Variants in SULF1 observed in about 807,000 individuals in gnomAD.
SULF1 encodes the protein extracellular sulfatase Sulf-1.
In SULF1, 46 loss-of-function variants were observed where a neutral mutation model predicts 110.5. The ratio of observed to expected loss-of-function variants is 0.42; its 90% CI spans 0.33 to 0.53. SULF1 has a LOEUF of 0.53. Ranked by LOEUF, SULF1 falls within the 20% of genes least tolerant of loss-of-function variation. SULF1 has a pLI of 0.12. For missense variants in SULF1, 941 were observed against 1,094.2 expected, an observed-to-expected ratio of 0.86 and a Z score of 1.98; for synonymous variants, 371 against 387.1, an observed-to-expected ratio of 0.96 and a Z score of 0.49.
At chr8:69,638,183 CT>C (rs1245222634) in intron 19 of SULF1, 1 of 251,384 alleles carries the variant, frequency 4.0e-6, no homozygotes, top group East Asian at 1.1e-4. Flanking sequence ...TATTTTTCTT[CT>C]CATACTTCCG....
Position 69,658,771 on chromosome 8 carries a change from G to A in SULF1, c.*236G>A, listed in dbSNP as rs556348593. The A allele has an allele frequency of 2.3e-5, 15 of 649,178 alleles. No homozygotes were observed. The highest frequency in any genetic ancestry group is 9.1e-5 in the South Asian group (6 of 66,280). The allele number at this position is 649,178 out of a possible 1,614,324, so 40.2% of individuals were successfully genotyped here. A position where few individuals can be genotyped will look rare whatever the true frequency, so the allele number is the denominator to read the frequency against. ...GTTCTTGGTTGTCTCTGCTGAGCAC[G>A]CTGTGTCAATGGAGATGGCCTCTGC... is the stretch of plus-strand genomic sequence containing the variant. On this transcript the variant is annotated 3_prime_UTR_variant, in exon 23 of 23. Transcript: ENST00000402687.
rs75955617 is a variant in SULF1, at chr8:69,653,486, G to A, written c.2586-5019G>A. Among the ~76,000 whole-genome samples, 940 of 152,352 alleles carry A rather than the reference G, an allele frequency of 6.2e-3. 6 individuals carry two copies. Among genetic ancestry groups the A allele is most frequent in the South Asian group, 0.021 (99 of 4,828 alleles). The stretch of plus-strand genomic sequence containing the variant: ...GAGGTACATAGGCTAAGGTCCAGAT[G>A]GGTCCCAAACGCAGAAGCTTCTGTC... On this transcript the variant is annotated intron_variant, in intron 22 of 22. Coordinates refer to ENST00000402687, the MANE Select transcript of SULF1 (RefSeq NM_001128205.2).
chr8:69,547,583 A>G (rs1167039496), intron 3 of SULF1, among the ~76,000 whole-genome samples: 1 of 152,196 alleles, frequency 6.6e-6, no homozygotes, highest in South Asian at 2.1e-4. Flanking sequence ...AGCGCTGCAC[A>G]CCACTGTGTT....
At chr8:69,606,640 A>G (rs1808240917) in intron 13 of SULF1, among the ~76,000 whole-genome samples, 2 of 152,216 alleles carry the variant, frequency 1.3e-5, no homozygotes, top group Non-Finnish European at 2.9e-5. Flanking sequence ...TAAAATTTTA[A>G]TATATGTCCT....
At chr8:69,612,958 T>A (rs955987577) in intron 13 of SULF1, among the ~76,000 whole-genome samples, 1 of 152,142 alleles carries the variant, frequency 6.6e-6, no homozygotes, top group Non-Finnish European at 1.5e-5. Flanking sequence ...GTTTTTCCAA[T>A]GTTATCTTCT....
intron 3 of SULF1, among the ~76,000 whole-genome samples, chr8:69,554,676 GA>G (rs1170347963): frequency 1.3e-5 from 2 of 151,430 alleles, no homozygotes; most frequent in Admixed American, 6.6e-5. Context: ...AAAAGAAAAA[GA>G]AAAAAAGAAA....
chr8:69,643,681 ATCTTT>A (rs1264623505), intron 22 of SULF1, among the ~76,000 whole-genome samples: 5 of 151,976 alleles, frequency 3.3e-5, no homozygotes, highest in Non-Finnish European at 5.9e-5. Context: ...TTTCTTTTCT[ATCTTT>A]TCTTTTCTCT....
intron 19 of SULF1, among the ~76,000 whole-genome samples, chr8:69,635,156 G>A (rs982700778): frequency 6.6e-6 from 1 of 152,232 alleles, no homozygotes; most frequent in Non-Finnish European, 1.5e-5. Flanking sequence ...GAGGGAGAGA[G>A]GGTTGAATAG....
At chr8:69,596,186 T>C (rs1807312499) in intron 8 of SULF1, among the ~76,000 whole-genome samples, 1 of 152,150 alleles carries the variant, frequency 6.6e-6, no homozygotes. Context: ...GAATAGTCTA[T>C]GGAGGATTAC....
At chr8:69,584,000 G>T (rs532071504) in intron 6 of SULF1, among the ~76,000 whole-genome samples, 1 of 152,140 alleles carries the variant, frequency 6.6e-6, no homozygotes. Flanking sequence ...AGAGAGGGAC[G>T]ATTAACAGAG....
chr8:69,498,042 C>T (rs1810490774), intron 2 of SULF1, among the ~76,000 whole-genome samples: 1 of 151,744 alleles, frequency 6.6e-6, no homozygotes, highest in African/African-American at 2.4e-5. Context: ...CCAGTTTTAC[C>T]TTATCCTTTC....
At chr8:69,650,569 C>A (rs1812259987) in intron 22 of SULF1, among the ~76,000 whole-genome samples, 1 of 152,188 alleles carries the variant, frequency 6.6e-6, no homozygotes, top group Non-Finnish European at 1.5e-5. Context: ...GAGATAGCAC[C>A]ACTACATTCC....
chr8:69,564,283 C>A, intron 5 of SULF1, 136 bp downstream of exon 5: 1 of 1,039,776 alleles, frequency 9.6e-7, no homozygotes, highest in Middle Eastern at 2.4e-4. Context: ...ACGCAATGAA[C>A]TTGTATTGAC....
At chr8:69,645,687 G>A (rs1811849386) in intron 22 of SULF1, among the ~76,000 whole-genome samples, 2 of 152,152 alleles carry the variant, frequency 1.3e-5, no homozygotes, top group Non-Finnish European at 2.9e-5. Context: ...GGATGGAAAA[G>A]GAAGTCAGTC....
At chr8:69,651,051 C>CTTTTTTTTTTTTTTTTT (rs111556401) in intron 22 of SULF1, among the ~76,000 whole-genome samples, 3 of 134,186 alleles carry the variant, frequency 2.2e-5, no homozygotes, top group Non-Finnish European at 3.3e-5. Flanking sequence ...TCTTTTTTTT[C>CTTTTTTTTTTTTTTTTT]TTTTCTTTTT....
chr8:69,601,834 G>GT lies in SULF1; in HGVS notation c.1061+6dup. Reference sequence around the variant, plus strand: ...AAGTGTAGAACCAGGATCAATGTACGTATTTCTCTGTTTGCAACATTCAAC... The same window carrying GT: ...AAGTGTAGAACCAGGATCAATGTACGTTATTTCTCTGTTTGCAACATTCAAC... On this transcript the variant is annotated splice_donor_region_variant and intron_variant, in intron 10 of 22. Coordinates refer to ENST00000402687, the MANE Select transcript of SULF1 (RefSeq NM_001128205.2). The GT allele has an allele frequency of 6.3e-7, 1 of 1,598,094 alleles. No individual in the cohort carries two copies. The highest frequency in any genetic ancestry group is 8.5e-7 in the Non-Finnish European group (1 of 1,171,468).
intron 3 of SULF1, among the ~76,000 whole-genome samples, chr8:69,547,646 T>G (rs1215035339): frequency 6.6e-6 from 1 of 152,112 alleles, no homozygotes; most frequent in East Asian, 1.9e-4. Flanking sequence ...CAGGAAGCCC[T>G]GGGGCCTTTC....
intron 5 of SULF1, among the ~76,000 whole-genome samples, chr8:69,566,333 C>T (rs528267515): frequency 2.6e-5 from 4 of 152,244 alleles, no homozygotes; most frequent in African/African-American, 9.6e-5. Context: ...TAAGAAATTG[C>T]TCATAACTTT....
chr8:69,474,717 G>C (rs1403755186), intron 1 of SULF1, among the ~76,000 whole-genome samples: 1 of 152,152 alleles, frequency 6.6e-6, no homozygotes, highest in African/African-American at 2.4e-5. Context: ...TTGAGATTTA[G>C]TAAAGGAGAT....
Sources: gnomAD v4.1 joint callset for allele counts (sites outside exome capture counted in the v4.1 genomes callset) on GRCh38, gnomAD v4.1.1 for gene constraint, MANE v1.5 for transcripts, NCBI Gene and HGNC (gene_info 2026-07-23, HGNC 2026-07-21) for gene names.